Variants in PRDM8 observed in about 807,000 individuals in gnomAD.
PRDM8 encodes PR domain zinc finger protein 8.
A neutral mutation model predicts 46.5 loss-of-function variants in PRDM8; 13 were observed. The observed-to-expected ratio is 0.28, with a 90% CI of 0.18 to 0.44. The LOEUF (loss-of-function observed/expected upper bound fraction) is 0.44. Among genes scored for constraint, PRDM8 ranks in the 20% least tolerant of loss-of-function variants. PRDM8 has a pLI of 1.00. For missense variants in PRDM8, 998 were observed against 955.0 expected, an observed-to-expected ratio of 1.04 and a Z score of -0.59; for synonymous variants, 473 against 438.4, an observed-to-expected ratio of 1.08 and a Z score of -0.98.
At chr4:80,196,556 C>G, upstream of PRDM8, 2 of 985,422 alleles carry the variant, frequency 2.0e-6, no homozygotes, top group African/African-American at 3.5e-5. Context: ...TCCATCCCCT[C>G]CTCCACCACC....
At chr4:80,198,980 G>GTTTTTTTTTTT (rs1413112507) in intron 1 of PRDM8, among the ~76,000 whole-genome samples, 1 of 104,188 alleles carries the variant, frequency 9.6e-6, no homozygotes, top group African/African-American at 3.5e-5. Context: ...GTTTTTTTGG[G>GTTTTTTTTTTT]TTTTTTTTTT....
Position 80,203,713 on chromosome 4 carries a change from A to C in PRDM8, c.*181A>C, listed in dbSNP as rs1738768549. 7 of 888,834 alleles carry C rather than the reference A, an allele frequency of 7.9e-6. No individual in the cohort carries two copies. Among genetic ancestry groups the C allele is most frequent in the Middle Eastern group, 3.9e-4 (1 of 2,582 alleles). 55.1% of individuals were successfully genotyped at this position (888,834 alleles called of 1,614,324 possible). ...CACGTCCTCTCCTCCCAGGAACCTC[A>C]TTCAAATATTTACCCGGGACACACA... is the stretch of plus-strand genomic sequence containing the variant. On this transcript the variant is annotated 3_prime_UTR_variant, in exon 4 of 4. Transcript: ENST00000415738.
At chr4:80,196,444 A>C, upstream of PRDM8, 1 of 985,448 alleles carries the variant, frequency 1.0e-6, no homozygotes, top group Non-Finnish European at 1.2e-6. Context: ...CAGGCTGTTA[A>C]AGACCTCAAG....
At chr4:80,199,982 A>G (rs1444366828) in intron 1 of PRDM8, 97 bp from the exon 2 acceptor site, 9 of 949,182 alleles carry the variant, frequency 9.5e-6, no homozygotes, top group Non-Finnish European at 1.1e-5. Flanking sequence ...GGCATGTGCA[A>G]GGAAAATCTA....
rs1167938560 is a variant in PRDM8 at position 80,202,734 on chromosome 4, G to A, written c.1272G>A (p.Thr424=). ...QDAGGGGGSS[T]PAAASPVGAE... is the part of the protein sequence containing the mutation. ...CTGGCGGCGGCGGCGGCTCCTCCAC[G>A]CCCGCGGCCGCGTCACCGGTGGGCG... The change falls in exon 4 of 4, where the codon ACG becomes ACA. Residue 424 remains threonine (T), a synonymous_variant. Transcript: ENST00000415738. 7 of 1,298,236 alleles carry A rather than the reference G, an allele frequency of 5.4e-6. No individual in the cohort carries two copies. The East Asian group carries it at 9.4e-5, about 17-fold the overall frequency. 80.4% of individuals were successfully genotyped at this position (1,298,236 alleles called of 1,614,324 possible).
At chr4:80,200,352 A>G (rs1016798403) in intron 2 of PRDM8, 53 bp downstream of exon 2, 1 of 1,467,366 alleles carries the variant, frequency 6.8e-7, no homozygotes, top group Non-Finnish European at 9.5e-7. Context: ...CCTGTTGGAA[A>G]TGGACTAAAA....
chr4:80,202,564 G>A lies in PRDM8; in HGVS notation c.1102G>A (p.Gly368Ser), dbSNP rs1321289445. The A allele has an allele frequency of 2.0e-6, 3 of 1,534,440 alleles. No individual in the cohort carries two copies. The highest frequency in any genetic ancestry group is 2.0e-5 in the Admixed American group (1 of 50,946). ...SGSYFGLEEN[G>S]RLFAPPSPET... ...CAGCTACTTCGGCCTGGAAGAGAAC[G>A]GCCGCCTCTTCGCGCCGCCAAGTCC... The change falls in exon 4 of 4, where the codon GGC becomes AGC. Residue 368 changes from glycine (G) to serine (S), a missense_variant. Coordinates refer to ENST00000415738, the MANE Select transcript of PRDM8 (RefSeq NM_001099403.2).
chr4:80,191,733 C>T (rs1458042), intron 2 of PRDM8, among the ~76,000 whole-genome samples: 66,909 of 152,052 alleles, frequency 0.44, 15,866 homozygotes, highest in East Asian at 0.69. Context: ...ACTAACACCT[C>T]TTCATATAAT....
chr4:80,200,128 G>C lies in PRDM8; in HGVS notation c.48G>C (p.Lys16Asn), dbSNP rs772014976. ...IQRGIWDGDA[K>N]AVQQCLTDIF... The stretch of plus-strand genomic sequence containing the variant: ...GAGGCATCTGGGATGGAGATGCCAA[G>C]GCTGTCCAACAATGTCTGACAGATA... The change falls in exon 2 of 4, where the codon AAG becomes AAC. Residue 16 changes from lysine to asparagine, a missense_variant. Physicochemically the swap from Lys to Asn is moderately conservative, Grantham distance 94. Coordinates refer to ENST00000415738, the MANE Select transcript of PRDM8 (RefSeq NM_001099403.2). 3.1e-6 allele frequency: 5 copies of C among 1,614,098 alleles called. No individual in the cohort carries two copies. The highest frequency in any genetic ancestry group is 1.1e-5 in the South Asian group (1 of 91,082).
chr4:80,185,703 CG>C (rs1737022620), intron 1 of PRDM8, among the ~76,000 whole-genome samples: 1 of 152,182 alleles, frequency 6.6e-6, no homozygotes, highest in Admixed American at 6.5e-5. Flanking sequence ...ACCTGCAATA[CG>C]GATGAGTTCA....
intron 1 of PRDM8, among the ~76,000 whole-genome samples, chr4:80,186,662 C>A (rs1737114144): frequency 6.6e-6 from 1 of 152,220 alleles, no homozygotes; most frequent in South Asian, 2.1e-4. Flanking sequence ...CTTTAGCTTT[C>A]AATTGAAAAC....
chr4:80,195,506 G>T (rs1225006978), upstream of PRDM8, among the ~76,000 whole-genome samples: 3 of 151,784 alleles, frequency 2.0e-5, no homozygotes, highest in African/African-American at 7.3e-5. Flanking sequence ...CTTTGTGTGT[G>T]TGTGTGTGTG....
chr4:80,188,500 T>C (rs915641685), intron 1 of PRDM8, among the ~76,000 whole-genome samples: 13 of 152,220 alleles, frequency 8.5e-5, no homozygotes, highest in Non-Finnish European at 1.3e-4. Context: ...TTGTCTTTAC[T>C]ATTTTACAAA....
intron 1 of PRDM8, among the ~76,000 whole-genome samples, chr4:80,190,410 A>AG (rs1737453803): frequency 1.3e-5 from 2 of 152,216 alleles, no homozygotes; most frequent in South Asian, 4.1e-4. Flanking sequence ...ACTGCCCCAC[A>AG]TTCACGGTTT....
At chr4:80,196,007 C>T (rs1737931887), upstream of PRDM8, 5 of 962,180 alleles carry the variant, frequency 5.2e-6, no homozygotes, top group Admixed American at 6.2e-5. Context: ...ACTTGTTTCT[C>T]CTCAGCAAAA....
chr4:80,197,697 C>G lies in PRDM8; in HGVS notation c.-69C>G, dbSNP rs1738070764. ...CACTGATACAATAGGCAAAAGGAAACACTCGATTGCATCTTCCCGGTTCCA... is the reference window on the plus strand; with the variant it reads ...CACTGATACAATAGGCAAAAGGAAAGACTCGATTGCATCTTCCCGGTTCCA... On this transcript the variant is annotated 5_prime_UTR_variant, in exon 1 of 4. Coordinates refer to ENST00000415738, the MANE Select transcript of PRDM8 (RefSeq NM_001099403.2). 1 of 983,074 alleles carries G rather than the reference C, an allele frequency of 1.0e-6. No homozygotes were observed. Among genetic ancestry groups the G allele is most frequent in the African/African-American group, 1.7e-5 (1 of 57,226 alleles). 60.9% of individuals were successfully genotyped at this position (983,074 alleles called of 1,614,324 possible). A position where few individuals can be genotyped will look rare whatever the true frequency, so the allele number is the denominator to read the frequency against.
At chr4:80,199,245 C>T (rs1578257764) in intron 1 of PRDM8, among the ~76,000 whole-genome samples, 2 of 151,956 alleles carry the variant, frequency 1.3e-5, no homozygotes, top group Non-Finnish European at 2.9e-5. Context: ...AGACTGGGGA[C>T]ACTTTAGGCC....
At chr4:80,193,448 C>CA (rs1737703464), upstream of PRDM8, among the ~76,000 whole-genome samples, 1 of 152,154 alleles carries the variant, frequency 6.6e-6, no homozygotes, top group South Asian at 2.1e-4. Flanking sequence ...TTTAAAAACC[C>CA]ACCATGTATC....
intron 1 of PRDM8, among the ~76,000 whole-genome samples, chr4:80,186,835 G>A (rs1435210412): frequency 1.3e-5 from 2 of 152,150 alleles, no homozygotes; most frequent in African/African-American, 4.8e-5. Flanking sequence ...AGATACACAA[G>A]GAAAACCAAA....
Sources: gnomAD v4.1 joint callset for allele counts (sites outside exome capture counted in the v4.1 genomes callset) on GRCh38, gnomAD v4.1.1 for gene constraint, MANE v1.5 for transcripts, NCBI Gene and HGNC (gene_info 2026-07-23, HGNC 2026-07-21) for gene names.